ATP8A1: variants seen among roughly 807,000 people sequenced by gnomAD.
ATP8A1 encodes the protein ATPase phospholipid transporting 8A1.
In ATP8A1, 90 loss-of-function variants were observed where a neutral mutation model predicts 177.7. That is an observed-to-expected ratio of 0.51 (90% CI 0.43 to 0.60). ATP8A1 has a LOEUF of 0.60. Ranked by LOEUF, ATP8A1 falls within the 20% of genes least tolerant of loss-of-function variation. The pLI, the probability that ATP8A1 is intolerant of heterozygous loss-of-function variation, is 0.00. For synonymous variants in ATP8A1, 493 were observed against 485.9 expected (o/e 1.01, Z -0.19); for missense variants, 1,072 against 1,392.8 (o/e 0.77, Z 3.67).
intron 22 of ATP8A1, among the ~76,000 whole-genome samples, chr4:42,507,793 A>C (rs796100224): frequency 1.7e-5 from 2 of 118,176 alleles, no homozygotes; most frequent in South Asian, 3.3e-4. Context: ...AAAAAAAAAA[A>C]AAAAAAAAAA....
intron 7 of ATP8A1, among the ~76,000 whole-genome samples, chr4:42,590,061 T>C (rs1449780712): frequency 1.3e-5 from 2 of 152,296 alleles, no homozygotes; most frequent in Non-Finnish European, 2.9e-5. Context: ...TAAGGAATCA[T>C]GCTAGATCAT....
chr4:42,446,569 C>A lies in ATP8A1; in HGVS notation c.2958+14G>T, dbSNP rs754249806. ...TGATTTTACACGCAAACGAGACCGACATCCCGCACTCACAGTGTACACAAA... is the reference window on the plus strand; with the variant it reads ...TGATTTTACACGCAAACGAGACCGAAATCCCGCACTCACAGTGTACACAAA... On this transcript the variant is annotated intron_variant, in intron 31 of 36. Coordinates refer to ENST00000381668, the MANE Select transcript of ATP8A1 (RefSeq NM_006095.2). 41 of 1,612,206 alleles carry A rather than the reference C, an allele frequency of 2.5e-5. No homozygotes were observed. The highest frequency in any genetic ancestry group is 3.5e-5 in the Non-Finnish European group (41 of 1,178,650).
rs551697810 is a variant in ATP8A1 at position 42,581,728 on chromosome 4, C to T, written c.727G>A (p.Val243Ile). 165 of 1,611,562 alleles carry T rather than the reference C, an allele frequency of 1.0e-4. No individual in the cohort carries two copies. Among genetic ancestry groups the T allele is most frequent in the Non-Finnish European group, 6.8e-5 (80 of 1,177,658 alleles). ...AGAATCTGATCTGCTCCCAGTGGAA[C>T]GGTGCTAGGACAGATTACGTTGACA... ...GNIRLDGHGT[V>I]PLGADQILLR... The change falls in exon 10 of 37, where the codon GTT becomes ATT. Residue 243 changes from valine to isoleucine, a missense_variant. This residue lies in a region of ATP8A1 where 344 missense variants were observed against 393.5 expected (regional missense o/e 0.87). Coordinates refer to ENST00000381668, the MANE Select transcript of ATP8A1 (RefSeq NM_006095.2).
chr4:42,613,219 CAAAGGCAGCA>C (rs778084580), intron 5 of ATP8A1, among the ~76,000 whole-genome samples: 33 of 152,160 alleles, frequency 2.2e-4, no homozygotes, highest in Non-Finnish European at 4.3e-4. Flanking sequence ...GACCAATACT[CAAAGGCAGCA>C]AAGGGGAAAA....
chr4:42,602,161 A>G (rs769181076), intron 5 of ATP8A1, among the ~76,000 whole-genome samples: 13 of 152,236 alleles, frequency 8.5e-5, no homozygotes, highest in Non-Finnish European at 7.3e-5. Flanking sequence ...AAGTATTTCC[A>G]GCACAATATC....
In ATP8A1 at chr4:42,478,563, CA is replaced by C. The variant is rs368068020; in HGVS notation, c.2324+6932del. ...ACTGGGGATAAGGGGAATACACACA[CA>C]AAAAAAAAACCACATAAAAAAATCA... On this transcript the variant is annotated intron_variant, in intron 25 of 36. Coordinates refer to ENST00000381668, the MANE Select transcript of ATP8A1 (RefSeq NM_006095.2). Among the ~76,000 whole-genome samples, 40 of 125,608 alleles carry C rather than the reference CA, an allele frequency of 3.2e-4. No homozygotes were observed. In the East Asian group the frequency reaches 8.4e-3, roughly 26 times the overall value. 82.4% of individuals were successfully genotyped at this position (125,608 alleles called of 152,430 possible).
intron 4 of ATP8A1, among the ~76,000 whole-genome samples, chr4:42,620,435 A>G (rs1431483688): frequency 6.6e-6 from 1 of 152,200 alleles, no homozygotes; most frequent in Non-Finnish European, 1.5e-5. Flanking sequence ...ATTATGCCAA[A>G]AAGAGTTCTG....
At chr4:42,522,126 A>G in intron 22 of ATP8A1, 34 bp downstream of exon 22, 1 of 1,565,990 alleles carries the variant, frequency 6.4e-7, no homozygotes, top group Non-Finnish European at 8.6e-7. Flanking sequence ...TGGAAACCAA[A>G]CCCTCTGTAT....
rs1715306279 is a variant in ATP8A1 at position 42,431,550 on chromosome 4, G to A, written c.3124-7845C>T. 2.0e-5 allele frequency among the ~76,000 whole-genome samples: 3 copies of A among 152,132 alleles called. No individual in the cohort carries two copies. The South Asian group carries it at 6.2e-4, about 32-fold the overall frequency. On this transcript the variant is annotated intron_variant, in intron 33 of 36. Transcript: ENST00000381668. Reference sequence around the variant, plus strand: ...AATGGAATCTTTCATTTTTCTTTGTGTAAAAAGGCTATTTTATCTTTAAAG... The same window carrying A: ...AATGGAATCTTTCATTTTTCTTTGTATAAAAAGGCTATTTTATCTTTAAAG...
intron 9 of ATP8A1, among the ~76,000 whole-genome samples, chr4:42,585,942 T>G (rs1249712372): frequency 4.6e-5 from 7 of 152,204 alleles, no homozygotes; most frequent in African/African-American, 1.7e-4. Flanking sequence ...AGGTAGAGTC[T>G]GAACTCCTTG....
intron 9 of ATP8A1, among the ~76,000 whole-genome samples, chr4:42,584,065 G>A (rs912935551): frequency 6.6e-6 from 1 of 152,162 alleles, no homozygotes. Flanking sequence ...ATCTGAATGA[G>A]GATGACAGTT....
At chr4:42,538,730 T>C (rs141395972) in intron 20 of ATP8A1, among the ~76,000 whole-genome samples, 1 of 152,136 alleles carries the variant, frequency 6.6e-6, no homozygotes, top group South Asian at 2.1e-4. Context: ...CCTGCAAGAA[T>C]GGCCATAATC....
intron 24 of ATP8A1, among the ~76,000 whole-genome samples, chr4:42,488,741 T>A (rs1722454506): frequency 1.3e-5 from 2 of 152,104 alleles, no homozygotes; most frequent in Non-Finnish European, 2.9e-5. Context: ...AATGTCCTCC[T>A]CTCCAGAGGA....
chr4:42,594,447 A>G lies in ATP8A1; in HGVS notation c.451-3563T>C. ...ACCCATTGTAAAAAGCATAGAATAC[A>G]CAGTAAAAATGGTTATCGGCAAACA... On this transcript the variant is annotated intron_variant, in intron 6 of 36. Coordinates refer to ENST00000381668, the MANE Select transcript of ATP8A1 (RefSeq NM_006095.2). 3 of 642,618 alleles carry G rather than the reference A, an allele frequency of 4.7e-6. No individual in the cohort carries two copies. The East Asian group carries it at 8.3e-5, about 18-fold the overall frequency. The allele number at this position is 642,618 out of a possible 1,614,324, so 39.8% of individuals were successfully genotyped here.
chr4:42,610,216 G>T (rs1736234150), intron 5 of ATP8A1, among the ~76,000 whole-genome samples: 1 of 150,084 alleles, frequency 6.7e-6, no homozygotes. Flanking sequence ...TTCCCGACAA[G>T]ATTATAATTT....
intron 20 of ATP8A1, among the ~76,000 whole-genome samples, chr4:42,540,729 A>C (rs956430707): frequency 6.6e-6 from 1 of 152,104 alleles, no homozygotes; most frequent in Non-Finnish European, 1.5e-5. Flanking sequence ...GAGCTAAAAA[A>C]AATATGATCA....
intron 22 of ATP8A1, among the ~76,000 whole-genome samples, chr4:42,510,487 C>T (rs762008089): frequency 6.6e-6 from 1 of 151,756 alleles, no homozygotes; most frequent in African/African-American, 2.4e-5. Context: ...CAGGATATAG[C>T]TGTGTTCAAA....
At chr4:42,472,933 T>C (rs546286842) in intron 25 of ATP8A1, among the ~76,000 whole-genome samples, 12 of 152,250 alleles carry the variant, frequency 7.9e-5, no homozygotes, top group Admixed American at 2.0e-4. Flanking sequence ...AAAATGACCC[T>C]GAGGTTTCAA....
intron 15 of ATP8A1, among the ~76,000 whole-genome samples, chr4:42,563,520 G>A (rs1245869039): frequency 6.6e-6 from 1 of 152,278 alleles, no homozygotes; most frequent in East Asian, 1.9e-4. Flanking sequence ...CATAAGTAAC[G>A]AGGAGCCGAA....
Sources: gnomAD v4.1 joint callset for allele counts (sites outside exome capture counted in the v4.1 genomes callset) on GRCh38, gnomAD v4.1.1 for gene constraint, gnomAD v4.1.1 regional missense constraint, MANE v1.5 for transcripts, NCBI Gene and HGNC (gene_info 2026-07-23, HGNC 2026-07-21) for gene names.